VCAN: variants seen among roughly 807,000 people sequenced by gnomAD.
VCAN encodes versican.
Under a neutral mutation model 245.5 loss-of-function variants are expected in VCAN, and 44 were observed. The observed-to-expected ratio is 0.18, with a 90% confidence interval of 0.14 to 0.23. The LOEUF is 0.23. Ranked by LOEUF, VCAN falls within the 10% of genes least tolerant of loss-of-function variation. The pLI is 1.00. For missense variants in VCAN, 3,793 were observed against 4,057.9 expected, an observed-to-expected ratio of 0.93 and a Z score of 1.77; for synonymous variants, 1,413 against 1,437.0, an observed-to-expected ratio of 0.98 and a Z score of 0.38.
At chr5:83,516,236 A>C (rs941474668) in intron 6 of VCAN, among the ~76,000 whole-genome samples, 20 of 152,150 alleles carry the variant, frequency 1.3e-4, no homozygotes, top group African/African-American at 4.6e-4. Flanking sequence ...GTGAGACAAG[A>C]TTGTGCCACT....
intron 7 of VCAN, among the ~76,000 whole-genome samples, chr5:83,523,050 T>C (rs550343481): frequency 4.1e-4 from 63 of 152,306 alleles, no homozygotes; most frequent in African/African-American, 1.4e-3. Context: ...TATGATTTAA[T>C]TGTTTTACCG....
rs773443147 is a variant in VCAN, at chr5:83,542,106, G to A, written c.9103G>A (p.Ala3035Thr). The A allele has an allele frequency of 1.2e-6, 2 of 1,614,088 alleles. No homozygotes were observed. Among genetic ancestry groups the A allele is most frequent in the East Asian group, 2.2e-5 (1 of 44,872 alleles). ...AGCAGCATCAGAACAGCAAGTGGCA[G>A]CGAGAATTCTTGATTCCAATGATCA... ...TIAASEQQVAARILDSNDQAT... is the reference protein window; with the variant it reads ...TIAASEQQVATRILDSNDQAT... The change falls in exon 8 of 15, where the codon GCG becomes ACG. Residue 3035 changes from alanine to threonine, a missense_variant. Physicochemically the swap from Ala to Thr is moderately conservative, Grantham distance 58. Around this residue, in one of 5 missense-constraint regions of VCAN, gnomAD observed 3,182 missense variants for 3,250.3 expected, o/e 0.98. Coordinates refer to ENST00000265077, the MANE Select transcript of VCAN (RefSeq NM_004385.5).
At chr5:83,507,686 A>G (rs975514282) in intron 5 of VCAN, among the ~76,000 whole-genome samples, 2 of 152,202 alleles carry the variant, frequency 1.3e-5, no homozygotes, top group Admixed American at 6.5e-5. Context: ...GCATCCTTCT[A>G]TGAGCATTCA....
chr5:83,576,945 G>C (rs1748507377), intron 13 of VCAN, among the ~76,000 whole-genome samples: 2 of 152,036 alleles, frequency 1.3e-5, no homozygotes, highest in Non-Finnish European at 2.9e-5. Flanking sequence ...ATTTGTAGGA[G>C]TTCTTTTTAT....
intron 5 of VCAN, among the ~76,000 whole-genome samples, chr5:83,501,674 A>G (rs138320304): frequency 1.7e-3 from 254 of 152,290 alleles, no homozygotes; most frequent in Middle Eastern, 6.8e-3. Flanking sequence ...CAGTACCACA[A>G]TGTCTTTATT....
At chr5:83,543,504 T>C (rs572991116) in intron 8 of VCAN, among the ~76,000 whole-genome samples, 1 of 152,314 alleles carries the variant, frequency 6.6e-6, no homozygotes, top group Non-Finnish European at 1.5e-5. Flanking sequence ...AAGAGTAAAA[T>C]AGAAAGTACA....
intron 1 of VCAN, among the ~76,000 whole-genome samples, chr5:83,478,070 G>A (rs955235305): frequency 1.3e-4 from 19 of 151,346 alleles, no homozygotes; most frequent in South Asian, 2.1e-4. Context: ...AGCCTCCCTA[G>A]TAGCTGGGAT....
chr5:83,574,654 A>G (rs1748409861), intron 13 of VCAN, among the ~76,000 whole-genome samples: 1 of 152,036 alleles, frequency 6.6e-6, no homozygotes, highest in Non-Finnish European at 1.5e-5. Flanking sequence ...GTCTTTTGGG[A>G]TTATAATTGT....
In VCAN at chr5:83,487,107, C is replaced by A. The variant is rs1476192463; in HGVS notation, c.71-2991C>A. Among the ~76,000 whole-genome samples the A allele has an allele frequency of 3.3e-5, 5 of 152,246 alleles. No homozygotes were observed. The East Asian group carries it at 9.7e-4, about 29-fold the overall frequency. On this transcript the variant is annotated intron_variant, in intron 2 of 14. Transcript: ENST00000265077. The stretch of plus-strand genomic sequence containing the variant: ...CTAATCGTTGATTATCTACCATTGG[C>A]CTAGTTATTTTGATGTTCCCCTTAT...
At position 83,537,756 on chromosome 5, in the gene VCAN, A is replaced by G. The variant is rs778000502; in HGVS notation, c.4753A>G (p.Thr1585Ala). 3.1e-6 allele frequency: 5 copies of G among 1,613,964 alleles called. No individual in the cohort carries two copies. The highest frequency in any genetic ancestry group is 4.2e-6 in the Non-Finnish European group (5 of 1,179,950). The change falls in exon 8 of 15, where the codon ACT becomes GCT. Residue 1585 changes from threonine (T) to alanine (A), a missense_variant. Thr to Ala is a moderately conservative substitution (Grantham distance 58). Around this residue, in one of 5 missense-constraint regions of VCAN, gnomAD observed 3,182 missense variants for 3,250.3 expected, o/e 0.98. Transcript: ENST00000265077. ...AAGTACTTCTGTCACATACACTCCC[A>G]CTATAGTTCCAAGTTCTGCATCAGC... The part of the protein sequence containing the change: ...EKSTSVTYTP[T>A]IVPSSASAYV...
Position 83,537,740 on chromosome 5 carries a change from T to C in VCAN, c.4737T>C (p.Ser1579=). 1 of 1,614,016 alleles carries C rather than the reference T, an allele frequency of 6.2e-7. No homozygotes were observed. ...TFGEEVEKST[S]VTYTPTIVPS... ...GTGAAGAGGTAGAAAAAAGTACTTC[T>C]GTCACATACACTCCCACTATAGTTC... is the stretch of plus-strand genomic sequence containing the variant. Residue 1579 remains serine (S), a synonymous_variant, in exon 8 of 15, where the codon TCT becomes TCC. Transcript: ENST00000265077.
chr5:83,568,796 A>G (rs138015364), intron 12 of VCAN, among the ~76,000 whole-genome samples: 16 of 152,326 alleles, frequency 1.1e-4, no homozygotes, highest in Middle Eastern at 3.4e-3. Flanking sequence ...ATCATAAGTA[A>G]GAATATATAG....
At position 83,580,014 on chromosome 5, in the gene VCAN, C is replaced by G; in HGVS notation, c.9915C>G (p.Ala3305=). 2 of 1,614,064 alleles carry G rather than the reference C, an allele frequency of 1.2e-6. No individual in the cohort carries two copies. Among genetic ancestry groups the G allele is most frequent in the Non-Finnish European group, 1.7e-6 (2 of 1,179,978 alleles). The stretch of plus-strand genomic sequence containing the variant: ...GCCAGCCCCCTGTTGTAGAAAATGC[C>G]AAGACCTTTGGAAAGATGAAACCTC... ...ACGQPPVVEN[A]KTFGKMKPRY... is the part of the protein sequence containing the mutation. Residue 3305 remains alanine (A), a synonymous_variant, in exon 14 of 15, where the codon GCC becomes GCG. Coordinates refer to ENST00000265077, the MANE Select transcript of VCAN (RefSeq NM_004385.5).
At chr5:83,476,965 CAT>C (rs745975794) in intron 1 of VCAN, among the ~76,000 whole-genome samples, 12 of 152,024 alleles carry the variant, frequency 7.9e-5, no homozygotes, top group South Asian at 2.1e-4. Context: ...TTACAATAAA[CAT>C]ATTTGATAAA....
chr5:83,564,202 A>G (rs571083522), intron 12 of VCAN, among the ~76,000 whole-genome samples: 1 of 152,052 alleles, frequency 6.6e-6, no homozygotes, highest in African/African-American at 2.4e-5. Flanking sequence ...TTATTTTTTT[A>G]TTTTTGCCAC....
intron 10 of VCAN, 81 bp downstream of exon 10, chr5:83,548,165 T>A: frequency 2.0e-6 from 2 of 1,016,786 alleles, no homozygotes; most frequent in Non-Finnish European, 3.1e-6. Flanking sequence ...TAATCTTTCC[T>A]GCAGTGGAAA....
At chr5:83,545,705 G>T in intron 9 of VCAN, 55 bp downstream of exon 9, 1 of 1,321,348 alleles carries the variant, frequency 7.6e-7, no homozygotes, top group South Asian at 1.2e-5. Flanking sequence ...ATATATTGGG[G>T]GAGAATTTAT....
At chr5:83,533,501 T>A (rs1746599402) in intron 7 of VCAN, among the ~76,000 whole-genome samples, 1 of 152,134 alleles carries the variant, frequency 6.6e-6, no homozygotes, top group Non-Finnish European at 1.5e-5. Context: ...CCCTAGGGTC[T>A]GATACATAAC....
intron 5 of VCAN, among the ~76,000 whole-genome samples, chr5:83,496,378 T>C (rs2112363353): frequency 1.3e-5 from 2 of 152,364 alleles, no homozygotes; most frequent in Middle Eastern, 3.4e-3. Context: ...ACTTGGTGAC[T>C]GAAAACTTGT....
Sources: gnomAD v4.1 joint callset for allele counts (sites outside exome capture counted in the v4.1 genomes callset) on GRCh38, gnomAD v4.1.1 for gene constraint, gnomAD v4.1.1 regional missense constraint, MANE v1.5 for transcripts, NCBI Gene and HGNC (gene_info 2026-07-23, HGNC 2026-07-21) for gene names.